HCLS1: variants seen among roughly 807,000 people sequenced by gnomAD.
The protein encoded by HCLS1 is hematopoietic cell-specific Lyn substrate 1.
HCLS1 carries 44 observed loss-of-function variants against 68.6 expected under a neutral mutation model. That is an observed-to-expected ratio of 0.64 (90% confidence interval 0.50 to 0.82). The LOEUF is 0.82. Ranked by LOEUF, HCLS1 falls within the 40% of genes least tolerant of loss-of-function variation. HCLS1 has a pLI of 0.00. For synonymous variants in HCLS1, 217 were observed against 225.8 expected (o/e 0.96, Z 0.35); for missense variants, 602 against 612.1 (o/e 0.98, Z 0.17).
chr3:121,653,808 C>T (rs895061123), intron 3 of HCLS1: 1 of 152,190 alleles, frequency 6.6e-6, no homozygotes, highest in Non-Finnish European at 1.5e-5. Context: ...AAGATTTAAT[C>T]TAAAGGCCAG....
At chr3:121,639,170 T>C (rs932647355) in intron 6 of HCLS1, among the ~76,000 whole-genome samples, 1 of 152,154 alleles carries the variant, frequency 6.6e-6, no homozygotes, top group Non-Finnish European at 1.5e-5. Context: ...CAAAAACGAA[T>C]CAGTAAAATT....
chr3:121,647,409 A>G lies in HCLS1; in HGVS notation c.198T>C (p.Asp66=), dbSNP rs371577841. ...ACTCCATCTCTTTCTTCCTGAGAAC[A>G]TCATGCTCCTCTGATACTTTGTTCC... ...QLRNKVSEEH[D]VLRKKEMESG... The change falls in exon 4 of 14, where the codon GAT becomes GAC. Residue 66 remains aspartate, a synonymous_variant. Coordinates refer to ENST00000314583, the MANE Select transcript of HCLS1 (RefSeq NM_005335.6). The G allele has an allele frequency of 6.2e-7, 1 of 1,614,072 alleles. No homozygotes were observed. Among genetic ancestry groups the G allele is most frequent in the Non-Finnish European group, 8.5e-7 (1 of 1,179,978 alleles).
chr3:121,635,955 TG>T (rs1336051500), intron 8 of HCLS1, 151 bp from the exon 9 acceptor site: 4 of 649,906 alleles, frequency 6.2e-6, no homozygotes, highest in Non-Finnish European at 1.1e-5. Flanking sequence ...TGTTGTTTTG[TG>T]GTAGAGAGGG....
intron 3 of HCLS1, 66 bp downstream of exon 3, chr3:121,657,213 T>C (rs1576222533): frequency 7.4e-7 from 1 of 1,358,928 alleles, no homozygotes; most frequent in Admixed American, 1.9e-5. Context: ...TTCCCCCAAG[T>C]CTCCGAGTTT....
rs751663139 is a variant in HCLS1 at position 121,637,265 on chromosome 3, G to A, written c.455-9C>T. On this transcript the variant is annotated splice_polypyrimidine_tract_variant and intron_variant, in intron 6 of 13. Coordinates refer to ENST00000314583, the MANE Select transcript of HCLS1 (RefSeq NM_005335.6). ...AAAGCCACGAGAGTAATCTGTGGTC[G>A]AAGGAGCAGTCATGAGAGCCCACCC... The A allele has an allele frequency of 8.8e-5, 141 of 1,598,438 alleles. No homozygotes were observed. Among genetic ancestry groups the A allele is most frequent in the Non-Finnish European group, 1.1e-4 (133 of 1,165,906 alleles).
chr3:121,639,989 G>A (rs193050001), intron 6 of HCLS1, among the ~76,000 whole-genome samples: 110 of 151,998 alleles, frequency 7.2e-4, no homozygotes, highest in Admixed American at 1.2e-3. Flanking sequence ...CTTGTTCTTT[G>A]GAAAGAGTAA....
rs1165878109 is a variant in HCLS1, at chr3:121,631,855, A to T, written c.1452T>A (p.Leu484=). ...FGLFPANYVK[L]LE The stretch of plus-strand genomic sequence containing the variant: ...AGACAGTGAGCTCTAGTCACTCCAG[A>T]AGCTTGACATAATTTGCAGGGAAGA... Residue 484 remains leucine, a synonymous_variant, in exon 14 of 14, where the codon CTT becomes CTA. Transcript: ENST00000314583. 4 of 1,613,998 alleles carry T rather than the reference A, an allele frequency of 2.5e-6. No homozygotes were observed. The African/African-American group carries it at 5.3e-5, about 22-fold the overall frequency.
intron 9 of HCLS1, among the ~76,000 whole-genome samples, chr3:121,634,752 C>T (rs188716744): frequency 3.7e-4 from 57 of 152,264 alleles, no homozygotes; most frequent in Non-Finnish European, 5.7e-4. Context: ...CTACCTCAGC[C>T]TCTGGAGTAG....
At chr3:121,640,076 G>T (rs143297542) in intron 6 of HCLS1, among the ~76,000 whole-genome samples, 1 of 151,914 alleles carries the variant, frequency 6.6e-6, no homozygotes, top group Admixed American at 6.6e-5. Flanking sequence ...ATGAAAATAG[G>T]CATTTCATAT....
intron 3 of HCLS1, chr3:121,656,029 A>T (rs945584580): frequency 6.6e-6 from 1 of 151,718 alleles, no homozygotes; most frequent in African/African-American, 2.4e-5. Context: ...TTGTATTTTT[A>T]GTAGACACAG....
At chr3:121,649,631 G>A (rs1937699848) in intron 3 of HCLS1, among the ~76,000 whole-genome samples, 1 of 152,192 alleles carries the variant, frequency 6.6e-6, no homozygotes, top group Non-Finnish European at 1.5e-5. Flanking sequence ...ACACAAAAAT[G>A]TTTTATGTAT....
chr3:121,633,822 G>A (rs1347348934), intron 10 of HCLS1, among the ~76,000 whole-genome samples: 1 of 152,188 alleles, frequency 6.6e-6, no homozygotes, highest in African/African-American at 2.4e-5. Context: ...TTACAGGCAT[G>A]AGCCACCACA....
chr3:121,646,381 GT>G (rs1335496535), intron 4 of HCLS1, among the ~76,000 whole-genome samples: 1 of 43,564 alleles, frequency 2.3e-5, no homozygotes, highest in African/African-American at 7.1e-5. Context: ...TTATTACTAT[GT>G]AATATATTAC....
At chr3:121,633,836 T>C (rs987247319) in intron 10 of HCLS1, among the ~76,000 whole-genome samples, 1 of 152,154 alleles carries the variant, frequency 6.6e-6, no homozygotes, top group African/African-American at 2.4e-5. Context: ...CACCACACCA[T>C]GCATGTCTTC....
intron 3 of HCLS1, among the ~76,000 whole-genome samples, chr3:121,648,946 A>C (rs1228984346): frequency 3.3e-5 from 5 of 152,148 alleles, no homozygotes; most frequent in Admixed American, 3.3e-4. Context: ...CTTCCAACTG[A>C]AGTATTCAGA....
chr3:121,647,542 T>G (rs1937640746), intron 3 of HCLS1, 94 bp from the exon 4 acceptor site: 1 of 1,323,996 alleles, frequency 7.6e-7, no homozygotes, highest in South Asian at 1.3e-5. Flanking sequence ...TCTGTCCTGT[T>G]TACTTTCAGT....
In HCLS1 at chr3:121,646,214, TTATATATTTTATATATTTA is replaced by T. The variant is rs1443307593; in HGVS notation, c.288+1086_288+1104del. ...AATATTAAATATATTATTTATATTT[TTATATATTTTATATATTTA>T]TATATATTTTATATATATTTATAAA... On this transcript the variant is annotated intron_variant, in intron 4 of 13. Coordinates refer to ENST00000314583, the MANE Select transcript of HCLS1 (RefSeq NM_005335.6). Among the ~76,000 whole-genome samples, 12 of 111,108 alleles carry T rather than the reference TTATATATTTTATATATTTA, an allele frequency of 1.1e-4. No individual in the cohort carries two copies. In the South Asian group the frequency reaches 1.1e-3, roughly 10 times the overall value. The allele number at this position is 111,108 out of a possible 152,430, so 72.9% of individuals were successfully genotyped here. A position where few individuals can be genotyped will look rare whatever the true frequency, so the allele number is the denominator to read the frequency against.
chr3:121,633,988 T>G (rs2049125331), intron 10 of HCLS1, among the ~76,000 whole-genome samples: 2 of 152,228 alleles, frequency 1.3e-5, no homozygotes, highest in African/African-American at 4.8e-5. Flanking sequence ...GGCTGGTGAC[T>G]TGCTTTCTGT....
At chr3:121,647,663 C>G (rs527735362) in intron 3 of HCLS1, among the ~76,000 whole-genome samples, 40 of 152,326 alleles carry the variant, frequency 2.6e-4, no homozygotes, top group Admixed American at 2.6e-3. Context: ...AATATTTCCT[C>G]TAGTCTGTTA....
Sources: gnomAD v4.1 joint callset for allele counts (sites outside exome capture counted in the v4.1 genomes callset) on GRCh38, gnomAD v4.1.1 for gene constraint, MANE v1.5 for transcripts, NCBI Gene and HGNC (gene_info 2026-07-23, HGNC 2026-07-21) for gene names.